CRTC3: variants seen among roughly 807,000 people sequenced by gnomAD.
CRTC3 encodes CREB regulated transcription coactivator 3, also known as CREB-regulated transcription coactivator 3.
CRTC3 carries 26 observed loss-of-function variants against 74.5 expected under a neutral mutation model. The ratio of observed to expected loss-of-function variants is 0.35; its 90% CI spans 0.26 to 0.48. CRTC3 has a LOEUF of 0.48. Among genes scored for constraint, CRTC3 ranks in the 20% least tolerant of loss-of-function variants. CRTC3 has a pLI of 0.99. For synonymous variants in CRTC3, 377 were observed against 325.8 expected (o/e 1.16, Z -1.69); for missense variants, 760 against 787.3 (o/e 0.97, Z 0.41).
At chr15:90,557,313 C>T (rs998017848) in intron 2 of CRTC3, among the ~76,000 whole-genome samples, 14 of 152,200 alleles carry the variant, frequency 9.2e-5, no homozygotes, top group African/African-American at 3.4e-4. Context: ...CTCTCCCCCA[C>T]ATTTTGAGCT....
chr15:90,540,764 C>G (rs1199102503), intron 2 of CRTC3, among the ~76,000 whole-genome samples: 1 of 151,676 alleles, frequency 6.6e-6, no homozygotes, highest in African/African-American at 2.4e-5. Flanking sequence ...CAGAGCGAGA[C>G]TGTCTCAAAA....
At chr15:90,551,932 ACACACACACACG>A (rs1178343711) in intron 2 of CRTC3, among the ~76,000 whole-genome samples, 3,218 of 15,980 alleles carry the variant, frequency 0.2, 231 homozygotes, top group African/African-American at 0.38. Context: ...ACACACACGC[ACACACACACACG>A]CACACACACA....
At chr15:90,597,757 G>A (rs777653318) in intron 3 of CRTC3, 1 of 152,180 alleles carries the variant, frequency 6.6e-6, no homozygotes, top group Non-Finnish European at 1.5e-5. Context: ...TTGGTCTTTA[G>A]AATTTTAAGG....
chr15:90,642,266 A>G lies in CRTC3; in HGVS notation c.*126A>G. 8.2e-6 allele frequency: 6 copies of G among 735,732 alleles called. No individual in the cohort carries two copies. Among genetic ancestry groups the G allele is most frequent in the South Asian group, 5.2e-5 (3 of 57,770 alleles). The allele number at this position is 735,732 out of a possible 1,614,324, so 45.6% of individuals were successfully genotyped here. On this transcript the variant is annotated 3_prime_UTR_variant, in exon 15 of 15. Coordinates refer to ENST00000268184, the MANE Select transcript of CRTC3 (RefSeq NM_022769.5). ...TAGAAGGAAGCAATGCCACGGCTCC[A>G]GGGTTTCAGATGAGATCCCATCTCA... is the stretch of plus-strand genomic sequence containing the variant.
rs1322050914 is a variant in CRTC3 at position 90,638,795 on chromosome 15, G to C, written c.1528G>C (p.Gly510Arg). Residue 510 changes from glycine to arginine, a missense_variant, in exon 13 of 15, where the codon GGC (glycine) becomes CGC (arginine). Coordinates refer to ENST00000268184, the MANE Select transcript of CRTC3 (RefSeq NM_022769.5). ...VGFDQQSMRP[G>R]PAFPQQVPLV... Reference sequence around the variant, plus strand: ...TTTTGACCAGCAGTCCATGAGGCCAGGCCCTGCCTTTCCTCAACAGGTGGG... The same window carrying C: ...TTTTGACCAGCAGTCCATGAGGCCACGCCCTGCCTTTCCTCAACAGGTGGG... The C allele has an allele frequency of 3.1e-6, 5 of 1,614,182 alleles. No homozygotes were observed. The highest frequency in any genetic ancestry group is 3.4e-6 in the Non-Finnish European group (4 of 1,180,028).
At chr15:90,619,890 CTA>C in intron 9 of CRTC3, 100 bp downstream of exon 9, 1 of 966,834 alleles carries the variant, frequency 1.0e-6, no homozygotes, top group Non-Finnish European at 1.6e-6. Context: ...ACGTAACTTG[CTA>C]TGCATAAATT....
At chr15:90,568,445 G>A (rs1234204022) in intron 2 of CRTC3, among the ~76,000 whole-genome samples, 1 of 152,030 alleles carries the variant, frequency 6.6e-6, no homozygotes, top group African/African-American at 2.4e-5. Flanking sequence ...CTGCCTCATG[G>A]GTTCAAGCGA....
intron 1 of CRTC3, among the ~76,000 whole-genome samples, chr15:90,531,231 A>G (rs1336169432): frequency 6.6e-6 from 1 of 152,182 alleles, no homozygotes; most frequent in African/African-American, 2.4e-5. Context: ...CACAAAATCC[A>G]AATTTCCGTA....
At chr15:90,637,278 A>G (rs1305495926) in intron 11 of CRTC3, among the ~76,000 whole-genome samples, 1 of 152,206 alleles carries the variant, frequency 6.6e-6, no homozygotes, top group Non-Finnish European at 1.5e-5. Context: ...GCTGGAAACC[A>G]TCATTCTCAG....
chr15:90,546,134 C>T (rs965905124), intron 2 of CRTC3, among the ~76,000 whole-genome samples: 20 of 152,090 alleles, frequency 1.3e-4, no homozygotes, highest in African/African-American at 4.3e-4. Flanking sequence ...CTCAAGTTCC[C>T]GAAGGTTTTT....
rs186824888 is a variant in CRTC3 at position 90,566,514 on chromosome 15, C to T, written c.231+26377C>T. 7.3e-5 allele frequency among the ~76,000 whole-genome samples: 11 copies of T among 149,904 alleles called. No homozygotes were observed. In the East Asian group the frequency reaches 1.4e-3, roughly 19 times the overall value. On this transcript the variant is annotated intron_variant, in intron 2 of 14. Coordinates refer to ENST00000268184, the MANE Select transcript of CRTC3 (RefSeq NM_022769.5). ...GCAGTGAGCCGAGATCATGCCACTG[C>T]GCTCCAGCCTGGGTGACAGACCAAG... is the stretch of plus-strand genomic sequence containing the variant.
intron 1 of CRTC3, 49 bp from the exon 2 acceptor site, chr15:90,539,990 T>C (rs940250058): frequency 1.9e-5 from 23 of 1,222,330 alleles, no homozygotes; most frequent in Non-Finnish European, 2.5e-5. Flanking sequence ...GATGCTTCTT[T>C]AGATCTTTGC....
intron 2 of CRTC3, among the ~76,000 whole-genome samples, chr15:90,555,764 G>T (rs1378457199): frequency 6.6e-6 from 1 of 152,160 alleles, no homozygotes; most frequent in African/African-American, 2.4e-5. Context: ...TGATCTGCCT[G>T]CCTTGGCCTC....
intron 8 of CRTC3, among the ~76,000 whole-genome samples, chr15:90,619,421 C>T (rs1968580143): frequency 6.6e-6 from 1 of 152,188 alleles, no homozygotes; most frequent in Non-Finnish European, 1.5e-5. Context: ...GTGCCACTGC[C>T]ACTCCAGCCT....
chr15:90,639,677 G>A (rs28521639), intron 13 of CRTC3, among the ~76,000 whole-genome samples: 3 of 149,710 alleles, frequency 2.0e-5, no homozygotes, highest in African/African-American at 4.9e-5. Flanking sequence ...CTTGAACTCC[G>A]GACCTCAAGT....
In CRTC3 at chr15:90,626,129, C is replaced by T. The variant is rs1394747819; in HGVS notation, c.967+136C>T. ...ATGATAATGTACCTTCTTGTATCTC[C>T]TGACCCTGCGGACATTTTTCTTGGA... is the stretch of plus-strand genomic sequence containing the variant. On this transcript the variant is annotated intron_variant, in intron 10 of 14. Coordinates refer to ENST00000268184, the MANE Select transcript of CRTC3 (RefSeq NM_022769.5). 11 of 731,714 alleles carry T rather than the reference C, an allele frequency of 1.5e-5. No homozygotes were observed. In the East Asian group the frequency reaches 2.6e-4, roughly 17 times the overall value. 45.3% of individuals were successfully genotyped at this position (731,714 alleles called of 1,614,324 possible).
At chr15:90,634,591 C>A in intron 11 of CRTC3, 2 of 436,700 alleles carry the variant, frequency 4.6e-6, no homozygotes, top group South Asian at 3.0e-5. Context: ...TGGCCTCTGA[C>A]TTTCACGGCA....
intron 2 of CRTC3, among the ~76,000 whole-genome samples, chr15:90,542,482 A>G (rs886648918): frequency 6.6e-6 from 1 of 152,128 alleles, no homozygotes; most frequent in Admixed American, 6.6e-5. Context: ...CCCTGCTGAC[A>G]TAACTTTTTT....
At chr15:90,605,835 G>A (rs1264496372) in intron 5 of CRTC3, among the ~76,000 whole-genome samples, 2 of 152,210 alleles carry the variant, frequency 1.3e-5, no homozygotes, top group African/African-American at 2.4e-5. Flanking sequence ...ACCTTATGAT[G>A]AGATAAATAG....
Sources: gnomAD v4.1 joint callset for allele counts (sites outside exome capture counted in the v4.1 genomes callset) on GRCh38, gnomAD v4.1.1 for gene constraint, MANE v1.5 for transcripts, NCBI Gene and HGNC (gene_info 2026-07-23, HGNC 2026-07-21) for gene names.